The following PRKAG2 variants were observed in gnomAD, a reference collection of about 807,000 sequenced individuals.
PRKAG2 encodes the protein 5'-AMP-activated protein kinase subunit gamma-2.
In PRKAG2, 26 loss-of-function variants were observed where a neutral mutation model predicts 69.6. The observed-to-expected ratio is 0.37, with a 90% CI of 0.27 to 0.52. The LOEUF is 0.52. PRKAG2 is among the 20% of genes least tolerant of loss of function. PRKAG2 has a pLI of 0.90. For missense variants in PRKAG2, 557 were observed against 740.0 expected, an observed-to-expected ratio of 0.75 and a Z score of 2.87; for synonymous variants, 293 against 285.0, an observed-to-expected ratio of 1.03 and a Z score of -0.28.
At chr7:151,735,754 T>C in intron 3 of PRKAG2, 2 of 1,118,594 alleles carry the variant, frequency 1.8e-6, no homozygotes, top group Non-Finnish European at 2.5e-6. Flanking sequence ...ACTTCCCACG[T>C]ATTCCTCTAA....
At position 151,560,163 on chromosome 7, in the gene PRKAG2, A is replaced by C. The variant is rs1804591500; in HGVS notation, c.1678+361T>G. The C allele has an allele frequency of 1.2e-5, 12 of 985,346 alleles. No individual in the cohort carries two copies. The South Asian group carries it at 5.2e-4, about 42-fold the overall frequency. 61.0% of individuals were successfully genotyped at this position (985,346 alleles called of 1,614,324 possible). A position where few individuals can be genotyped will look rare whatever the true frequency, so the allele number is the denominator to read the frequency against. On this transcript the variant is annotated intron_variant, in intron 15 of 15. Coordinates refer to ENST00000287878, the MANE Select transcript of PRKAG2 (RefSeq NM_016203.4). ...TTAAGGAAAGATGAAGGTATCAAAT[A>C]GAAGCCAGTGACGTTCCCTCTATGT...
chr7:151,637,493 A>G (rs1489731291), intron 4 of PRKAG2, among the ~76,000 whole-genome samples: 4 of 152,198 alleles, frequency 2.6e-5, no homozygotes, highest in Admixed American at 6.5e-5. Context: ...TCACTACAGA[A>G]GTTGGTAGAG....
intron 4 of PRKAG2, among the ~76,000 whole-genome samples, chr7:151,672,807 C>T (rs1375940429): frequency 6.6e-6 from 1 of 152,150 alleles, no homozygotes; most frequent in Non-Finnish European, 1.5e-5. Context: ...TCCCACTCGA[C>T]TGCACACTCC....
chr7:151,758,457 A>G lies in PRKAG2; in HGVS notation c.466+22695T>C, dbSNP rs1010708749. The stretch of plus-strand genomic sequence containing the variant: ...AACTATGTCACCTTTAAGTTCTATA[A>G]TGTCTATTTTAAATATTTTTGCCAG... On this transcript the variant is annotated intron_variant, in intron 3 of 15. Transcript: ENST00000287878. Among the ~76,000 whole-genome samples, 4 of 152,328 alleles carry G rather than the reference A, an allele frequency of 2.6e-5. No homozygotes were observed. In the East Asian group the frequency reaches 7.7e-4, roughly 29 times the overall value.
chr7:151,632,119 A>T lies in PRKAG2; in HGVS notation c.704T>A (p.Leu235Gln). Residue 235 changes from leucine to glutamine, a missense_variant, in exon 5 of 16, where the codon CTG (leucine) becomes CAG (glutamine). Leu to Gln is a moderately radical substitution (Grantham distance 113). Coordinates refer to ENST00000287878, the MANE Select transcript of PRKAG2 (RefSeq NM_016203.4). This position sits in a 1 kb window ranked among gnomAD's most constrained non-coding sequence, Gnocchi z 4.2. ...PSKAAALAAA[L>Q]GPAEAGMLEK... ...CAGCATGCCGGCTTCCGCGGGTCCCAGGGCCGCCGCCAGCGCCGCCTGAGG... is the reference window on the plus strand; with the variant it reads ...CAGCATGCCGGCTTCCGCGGGTCCCTGGGCCGCCGCCAGCGCCGCCTGAGG... 7.1e-7 allele frequency: 1 copy of T among 1,408,640 alleles called. No individual in the cohort carries two copies. Among genetic ancestry groups the T allele is most frequent in the Non-Finnish European group, 9.4e-7 (1 of 1,067,554 alleles). 87.3% of individuals were successfully genotyped at this position (1,408,640 alleles called of 1,614,324 possible).
intron 1 of PRKAG2, among the ~76,000 whole-genome samples, chr7:151,819,281 G>A (rs1429821644): frequency 6.6e-6 from 1 of 152,232 alleles, no homozygotes; most frequent in African/African-American, 2.4e-5. Context: ...CCAGAGGGCA[G>A]CGCTGAGACT....
In PRKAG2 at chr7:151,675,223, T is replaced by A. The variant is rs111578323; in HGVS notation, c.684+197A>T. On this transcript the variant is annotated intron_variant, in intron 4 of 15. Transcript: ENST00000287878. ...GGTGTGAGCCACCGCACCCAGCTAT[T>A]TTTTGTGTATTTCCATTTGCTATTG... 47 of 667,122 alleles carry A rather than the reference T, an allele frequency of 7.0e-5. 2 individuals are homozygous for A. The highest frequency in any genetic ancestry group is 4.6e-4 in the African/African-American group (26 of 56,612). The allele number at this position is 667,122 out of a possible 1,614,324, so 41.3% of individuals were successfully genotyped here. A position where few individuals can be genotyped will look rare whatever the true frequency, so the allele number is the denominator to read the frequency against.
intron 12 of PRKAG2, 116 bp downstream of exon 12, chr7:151,565,604 A>G (rs1317952804): frequency 3.5e-6 from 5 of 1,419,668 alleles, no homozygotes; most frequent in African/African-American, 1.4e-5. Flanking sequence ...TGCTGAATTT[A>G]TTCACCATAC....
At chr7:151,815,936 G>A (rs967186796) in intron 1 of PRKAG2, among the ~76,000 whole-genome samples, 3 of 152,184 alleles carry the variant, frequency 2.0e-5, no homozygotes, top group South Asian at 2.1e-4. Flanking sequence ...CTTCTTCCAC[G>A]AGCCTGTGAC....
At chr7:151,830,622 C>T (rs141745166) in intron 1 of PRKAG2, among the ~76,000 whole-genome samples, 3,547 of 151,948 alleles carry the variant, frequency 0.023, 91 homozygotes, top group South Asian at 0.054. Context: ...CCGGCCCTCC[C>T]GCGATGGGAC....
chr7:151,690,701 A>G (rs1835532286), intron 3 of PRKAG2, among the ~76,000 whole-genome samples: 1 of 152,172 alleles, frequency 6.6e-6, no homozygotes, highest in African/African-American at 2.4e-5. Flanking sequence ...GGTTTTTTCC[A>G]CTTCTGATTC....
chr7:151,649,412 C>A (rs186585458), intron 4 of PRKAG2, among the ~76,000 whole-genome samples: 150 of 152,286 alleles, frequency 9.8e-4, no homozygotes, highest in African/African-American at 3.5e-3. Flanking sequence ...AGGTGTGAAC[C>A]ACCGTGCCTG....
Position 151,807,496 on chromosome 7 carries a change from CG to C in PRKAG2, c.115-20956del, listed in dbSNP as rs1186383200. The C allele has an allele frequency of 1.1e-5, 5 of 457,748 alleles. No homozygotes were observed. The highest frequency in any genetic ancestry group is 2.0e-5 in the African/African-American group (1 of 50,078). The allele number at this position is 457,748 out of a possible 1,614,324, so 28.4% of individuals were successfully genotyped here. On this transcript the variant is annotated intron_variant, in intron 1 of 15. Coordinates refer to ENST00000287878, the MANE Select transcript of PRKAG2 (RefSeq NM_016203.4). This position sits in a 1 kb window ranked among gnomAD's most constrained non-coding sequence, Gnocchi z 4.4. ...CCATGGCGTGTTACACCTATCAGAT[CG>C]GGCACACTGCCCCTTCTTCCCAACC...
chr7:151,819,750 G>A (rs576588806), intron 1 of PRKAG2, among the ~76,000 whole-genome samples: 3 of 34,066 alleles, frequency 8.8e-5, no homozygotes, highest in Admixed American at 2.4e-4. Flanking sequence ...GGAGCCTTAC[G>A]GGTGAAAACC....
At chr7:151,734,391 GCTC>G (rs1428007472) in intron 3 of PRKAG2, 3 of 152,094 alleles carry the variant, frequency 2.0e-5, no homozygotes, top group Non-Finnish European at 4.4e-5. Context: ...CACCCCCCAG[GCTC>G]CTCATTTTAC....
intron 14 of PRKAG2, among the ~76,000 whole-genome samples, chr7:151,562,341 C>T (rs1283067141): frequency 6.8e-6 from 1 of 146,274 alleles, no homozygotes; most frequent in Non-Finnish European, 1.5e-5. Flanking sequence ...CTGTATTGAA[C>T]AGTGATACCC....
intron 3 of PRKAG2, among the ~76,000 whole-genome samples, chr7:151,773,597 A>T (rs2151786781): frequency 6.6e-6 from 1 of 152,354 alleles, no homozygotes; most frequent in Non-Finnish European, 1.5e-5. Context: ...GACTTTTATA[A>T]GGAGCAAAAT....
chr7:151,575,006 C>A, intron 7 of PRKAG2, 57 bp from the exon 8 acceptor site: 1 of 1,601,912 alleles, frequency 6.2e-7, no homozygotes, highest in South Asian at 1.1e-5. Flanking sequence ...TTAAAAATTT[C>A]AAATGACAAG....
chr7:151,699,809 A>G lies in PRKAG2; in HGVS notation c.467-24172T>C, dbSNP rs1311383847. 6.6e-6 allele frequency among the ~76,000 whole-genome samples: 1 copy of G among 152,168 alleles called. No homozygotes were observed. Among genetic ancestry groups the G allele is most frequent in the Non-Finnish European group, 1.5e-5 (1 of 68,028 alleles). ...CACAGCAAGGTGCTCAGGCCCTCAG[A>G]GGAGGCAGTGGGGAGGTTCTTGATA... is the stretch of plus-strand genomic sequence containing the variant. On this transcript the variant is annotated intron_variant, in intron 3 of 15. Coordinates refer to ENST00000287878, the MANE Select transcript of PRKAG2 (RefSeq NM_016203.4). This position sits in a 1 kb window ranked among gnomAD's most constrained non-coding sequence, Gnocchi z 4.5.
Sources: allele counts gnomAD v4.1 joint callset (sites outside exome capture counted in the v4.1 genomes callset), GRCh38; gene constraint gnomAD v4.1.1; non-coding constraint Gnocchi (gnomAD v3.1); transcripts MANE v1.5; gene names NCBI Gene and HGNC (gene_info 2026-07-23, HGNC 2026-07-21).